The following CD46 variants were observed in gnomAD, a reference collection of about 807,000 sequenced individuals.
CD46 encodes the protein membrane cofactor protein.
Under a neutral mutation model 53.3 loss-of-function variants are expected in CD46, and 30 were observed. The ratio of observed to expected loss-of-function variants is 0.56; its 90% confidence interval spans 0.42 to 0.76. The LOEUF (loss-of-function observed/expected upper bound fraction) is 0.76, where lower values mean the gene tolerates loss of function less well. Ranked by LOEUF, CD46 falls within the 30% of genes least tolerant of loss-of-function variation. The probability of loss-of-function intolerance (pLI) is 0.00; values close to 1 mark genes in which losing one functional copy is unlikely to be tolerated. For synonymous variants in CD46, 142 were observed against 152.0 expected (o/e 0.93, Z 0.48); for missense variants, 409 against 463.0 (o/e 0.88, Z 1.07).
At chr1:207,771,944 G>C (rs996237625) in intron 8 of CD46, among the ~76,000 whole-genome samples, 1 of 152,142 alleles carries the variant, frequency 6.6e-6, no homozygotes, top group Admixed American at 6.5e-5. Flanking sequence ...AAATTCAGTG[G>C]TAGCTTGATG....
At chr1:207,782,310 T>G (rs1296580866) in intron 8 of CD46, among the ~76,000 whole-genome samples, 1 of 152,156 alleles carries the variant, frequency 6.6e-6, no homozygotes, top group East Asian at 1.9e-4. Flanking sequence ...TCTAAGAGAT[T>G]TTTGCATGTG....
intron 8 of CD46, among the ~76,000 whole-genome samples, chr1:207,779,961 C>T (rs1658568337): frequency 2.1e-5 from 2 of 94,622 alleles, no homozygotes; most frequent in South Asian, 3.9e-4. Context: ...TTAATAACTG[C>T]CGGGAACACT....
At chr1:207,784,718 G>A (rs1659106891) in intron 9 of CD46, among the ~76,000 whole-genome samples, 1 of 152,194 alleles carries the variant, frequency 6.6e-6, no homozygotes, top group Admixed American at 6.5e-5. Flanking sequence ...GGGCTGAGGA[G>A]GCCCCAGGAA....
At position 207,761,338 on chromosome 1, in the gene CD46, T is replaced by G. The variant is rs202071781; in HGVS notation, c.565T>G (p.Tyr189Asp). The change falls in exon 5 of 13, where the codon TAT (tyrosine) becomes GAT (aspartate). Residue 189 changes from tyrosine (Y) to aspartate (D), a missense_variant. Physicochemically the swap from Tyr to Asp is radical, Grantham distance 160. Coordinates refer to ENST00000367042, the MANE Select transcript of CD46 (RefSeq NM_172351.3). ...EVFEYLDAVTYSCDPAPGPDP... is the reference protein window; with the variant it reads ...EVFEYLDAVTDSCDPAPGPDP... ...ATTTGAGTATCTTGATGCAGTAACT[T>G]ATAGTTGTGATCCTGCACCTGGACC... 33 of 1,612,496 alleles carry G rather than the reference T, an allele frequency of 2.0e-5. No homozygotes were observed. Among genetic ancestry groups the G allele is most frequent in the East Asian group, 6.7e-5 (3 of 44,862 alleles).
chr1:207,774,653 G>A (rs1266831250), intron 8 of CD46, among the ~76,000 whole-genome samples: 1 of 152,110 alleles, frequency 6.6e-6, no homozygotes, highest in Non-Finnish European at 1.5e-5. Flanking sequence ...GCTTAGTTTG[G>A]CTGGATATGA....
At chr1:207,767,314 G>A in intron 6 of CD46, 119 bp downstream of exon 6, 1 of 894,510 alleles carries the variant, frequency 1.1e-6, no homozygotes, top group Non-Finnish European at 1.8e-6. Flanking sequence ...AACAATTTTA[G>A]TATTTAACTC....
At chr1:207,771,737 T>C (rs185466940) in intron 8 of CD46, among the ~76,000 whole-genome samples, 24 of 152,344 alleles carry the variant, frequency 1.6e-4, no homozygotes, top group Non-Finnish European at 3.2e-4. Flanking sequence ...AAGGCCTCTA[T>C]TCTGTTCCAT....
chr1:207,790,724 A>C (rs1357880053), intron 12 of CD46, among the ~76,000 whole-genome samples: 2 of 152,248 alleles, frequency 1.3e-5, no homozygotes, highest in Non-Finnish European at 2.9e-5. Flanking sequence ...AGAAACCAAA[A>C]TATATTTTAC....
chr1:207,777,990 G>A (rs1658302797), intron 8 of CD46, among the ~76,000 whole-genome samples: 1 of 152,096 alleles, frequency 6.6e-6, no homozygotes, highest in African/African-American at 2.4e-5. Context: ...TCTGACTGGT[G>A]TGAAATGGTA....
intron 8 of CD46, among the ~76,000 whole-genome samples, chr1:207,778,296 C>A (rs1036290465): frequency 6.6e-6 from 1 of 152,118 alleles, no homozygotes; most frequent in African/African-American, 2.4e-5. Flanking sequence ...TTACTTCAAT[C>A]GTACTTGTCA....
intron 5 of CD46, among the ~76,000 whole-genome samples, chr1:207,765,477 C>G (rs1656736401): frequency 6.6e-6 from 1 of 152,134 alleles, no homozygotes; most frequent in Non-Finnish European, 1.5e-5. Context: ...GGAAGGAAAA[C>G]AGTGAGGATG....
At position 207,757,206 on chromosome 1, in the gene CD46, A is replaced by T; in HGVS notation, c.286+4A>T. On this transcript the variant is annotated splice_donor_region_variant and intron_variant, in intron 2 of 12. Coordinates refer to ENST00000367042, the MANE Select transcript of CD46 (RefSeq NM_172351.3). Reference sequence around the variant, plus strand: ...GTCTCAGATGACGCCTGTTATAGTAAGTAAACAAACCTCTTTTTTTTTTCT... The same window carrying T: ...GTCTCAGATGACGCCTGTTATAGTATGTAAACAAACCTCTTTTTTTTTTCT... 6.2e-7 allele frequency: 1 copy of T among 1,611,360 alleles called. No homozygotes were observed. Among genetic ancestry groups the T allele is most frequent in the Non-Finnish European group, 8.5e-7 (1 of 1,178,720 alleles).
At chr1:207,758,176 G>A (rs960960229) in intron 3 of CD46, among the ~76,000 whole-genome samples, 1 of 152,164 alleles carries the variant, frequency 6.6e-6, no homozygotes, top group African/African-American at 2.4e-5. Context: ...CCTTTGTTCT[G>A]TAGGGTTTTG....
At chr1:207,765,045 A>G (rs750251610) in intron 5 of CD46, among the ~76,000 whole-genome samples, 5 of 152,218 alleles carry the variant, frequency 3.3e-5, no homozygotes, top group Non-Finnish European at 7.4e-5. Flanking sequence ...AAAATCTTCA[A>G]CAAAATATTA....
intron 4 of CD46, 86 bp downstream of exon 4, chr1:207,759,810 CAA>C: frequency 1.4e-6 from 1 of 719,010 alleles, no homozygotes; most frequent in Non-Finnish European, 2.5e-6. Context: ...TTAAGATTAA[CAA>C]AGATCCCAAA....
intron 8 of CD46, among the ~76,000 whole-genome samples, 156 bp downstream of exon 8, chr1:207,770,518 A>G (rs1657391874): frequency 6.6e-6 from 1 of 152,180 alleles, no homozygotes; most frequent in Admixed American, 6.5e-5. Flanking sequence ...CTCATCATTT[A>G]TATTAGGTAT....
chr1:207,757,310 G>A (rs1316556480), intron 2 of CD46, 108 bp downstream of exon 2: 55 of 1,094,608 alleles, frequency 5.0e-5, no homozygotes, highest in Admixed American at 2.3e-4. Flanking sequence ...GTAAAATGAG[G>A]TTCAAGATAA....
chr1:207,779,428 G>A (rs1185133885), intron 8 of CD46, among the ~76,000 whole-genome samples: 1 of 152,082 alleles, frequency 6.6e-6, no homozygotes, highest in Non-Finnish European at 1.5e-5. Context: ...TTAGATTGTA[G>A]TTGTGTTTAG....
At chr1:207,779,539 A>C (rs966015182) in intron 8 of CD46, among the ~76,000 whole-genome samples, 3 of 152,152 alleles carry the variant, frequency 2.0e-5, no homozygotes, top group Non-Finnish European at 4.4e-5. Context: ...GTTTTATATT[A>C]ATAGGTAGTT....
Sources: gnomAD v4.1 joint callset for allele counts (sites outside exome capture counted in the v4.1 genomes callset) on GRCh38, gnomAD v4.1.1 for gene constraint, MANE v1.5 for transcripts, NCBI Gene and HGNC (gene_info 2026-07-23, HGNC 2026-07-21) for gene names.